UNC80: variants seen among roughly 807,000 people sequenced by gnomAD.
UNC80 encodes the protein unc-80 subunit of NALCN channel complex, also known as protein unc-80 homolog.
A neutral mutation model predicts 384.6 loss-of-function variants in UNC80; 164 were observed. That is an observed-to-expected ratio of 0.43 (90% CI 0.38 to 0.49). The LOEUF (loss-of-function observed/expected upper bound fraction) is 0.49. UNC80 is among the 20% of genes least tolerant of loss of function. The pLI, the probability that UNC80 is intolerant of heterozygous loss-of-function variation, is 0.00. For synonymous variants in UNC80, 1,486 were observed against 1,527.8 expected (o/e 0.97, Z 0.64); for missense variants, 3,330 against 4,143.0 (o/e 0.80, Z 5.39).
chr2:209,941,482 T>C lies in UNC80; in HGVS notation c.6908T>C (p.Met2303Thr). ...LSGYQWILPTMLQVYSDYESN... is the reference protein window; with the variant it reads ...LSGYQWILPTTLQVYSDYESN... ...GGCTACCAGTGGATTCTCCCCACCA[T>C]GCTGCAGGTGCCCAGAACCTCCTCT... Residue 2303 changes from methionine (M) to threonine (T), a missense_variant, in exon 44 of 65, where the codon ATG becomes ACG. Around this residue, in one of 8 missense-constraint regions of UNC80, gnomAD observed 1,049 missense variants for 1,488.6 expected, o/e 0.70. Transcript: ENST00000673920. 6.5e-7 allele frequency: 1 copy of C among 1,531,356 alleles called. No homozygotes were observed. The highest frequency in any genetic ancestry group is 8.8e-7 in the Non-Finnish European group (1 of 1,130,748). The allele number at this position is 1,531,356 out of a possible 1,614,324, so 94.9% of individuals were successfully genotyped here.
In UNC80 at chr2:209,820,590, G is replaced by A. The variant is rs957320713; in HGVS notation, c.2242G>A (p.Gly748Arg). 1.9e-6 allele frequency: 3 copies of A among 1,551,430 alleles called. No homozygotes were observed. Among genetic ancestry groups the A allele is most frequent in the Non-Finnish European group, 2.6e-6 (3 of 1,146,892 alleles). The change falls in exon 13 of 65, where the codon GGA (glycine) becomes AGA (arginine). Residue 748 changes from glycine (G) to arginine (R), a missense_variant. Coordinates refer to ENST00000673920, the MANE Select transcript of UNC80 (RefSeq NM_001371986.1). ...TGGTGGAGGAGAAGAAGGAGGAGGT[G>A]GAGATGGAGGAGGTGGAGGAGGTGA... is the stretch of plus-strand genomic sequence containing the variant. The part of the protein sequence containing the change: ...GDGGGEEGGG[G>R]DGGGGGGDGG...
intron 9 of UNC80, 139 bp from the exon 10 acceptor site, chr2:209,816,770 G>C: frequency 1.4e-6 from 1 of 720,260 alleles, no homozygotes; most frequent in Non-Finnish European, 2.3e-6. Context: ...ATTTTTATTG[G>C]ATGATATTCA....
At position 209,839,459 on chromosome 2, in the gene UNC80, A is replaced by G; in HGVS notation, c.3250+29A>G. The G allele has an allele frequency of 6.5e-7, 1 of 1,550,222 alleles. No individual in the cohort carries two copies. Among genetic ancestry groups the G allele is most frequent in the Non-Finnish European group, 8.7e-7 (1 of 1,145,634 alleles). On this transcript the variant is annotated intron_variant, in intron 19 of 64. Transcript: ENST00000673920. This position sits in a 1 kb window ranked among gnomAD's most constrained non-coding sequence, Gnocchi z 4.1. ...AAAGTATGTCTGTATTTGTTTATGG[A>G]TTATCTTATTACCAACCATGTCCTC... is the stretch of plus-strand genomic sequence containing the variant.
chr2:209,865,799 T>C (rs1447066382), intron 22 of UNC80, among the ~76,000 whole-genome samples: 2 of 152,226 alleles, frequency 1.3e-5, no homozygotes, highest in African/African-American at 4.8e-5. Context: ...ATTTCAGAAG[T>C]GTCTTTAGTG....
chr2:209,810,192 G>C lies in UNC80; in HGVS notation c.939-3388G>C, dbSNP rs564586458. ...CCCAGGCAATTTAACAATGTCTCAA[G>C]AGGGACTGTAAGTAATGGTTGTCAC... On this transcript the variant is annotated intron_variant, in intron 7 of 64. Coordinates refer to ENST00000673920, the MANE Select transcript of UNC80 (RefSeq NM_001371986.1). Among the ~76,000 whole-genome samples the C allele has an allele frequency of 1.4e-4, 22 of 152,236 alleles. 2 individuals carry two copies. In the South Asian group the frequency reaches 4.2e-3, roughly 29 times the overall value.
At position 209,923,819 on chromosome 2, in the gene UNC80, GTC is replaced by G. The variant is rs755730975; in HGVS notation, c.5662+1440_5662+1441del. Among the ~76,000 whole-genome samples, 35 of 151,710 alleles carry G rather than the reference GTC, an allele frequency of 2.3e-4. 2 individuals are homozygous for G. Among genetic ancestry groups the G allele is most frequent in the Admixed American group, 1.2e-3 (18 of 15,212 alleles). ...ATTTGTGTCCTTGAAACTAAATTAC[GTC>G]TCTTAAACATAACAGTTGATTCATA... On this transcript the variant is annotated intron_variant, in intron 35 of 64. Transcript: ENST00000673920.
intron 7 of UNC80, among the ~76,000 whole-genome samples, chr2:209,811,549 T>C (rs2079351674): frequency 6.6e-6 from 1 of 152,168 alleles, no homozygotes. Context: ...TTATGATAGA[T>C]TAAAAGTTGT....
At position 209,967,541 on chromosome 2, in the gene UNC80, C is replaced by T; in HGVS notation, c.7910C>T (p.Thr2637Ile). The T allele has an allele frequency of 3.2e-6, 5 of 1,551,636 alleles. No individual in the cohort carries two copies. The highest frequency in any genetic ancestry group is 4.4e-6 in the Non-Finnish European group (5 of 1,146,972). Residue 2637 changes from threonine to isoleucine, a missense_variant, in exon 52 of 65, where the codon ACT (threonine) becomes ATT (isoleucine). Physicochemically the swap from Thr to Ile is moderately conservative, Grantham distance 89 (BLOSUM62 -1). Coordinates refer to ENST00000673920, the MANE Select transcript of UNC80 (RefSeq NM_001371986.1). ...RRYIMEMLPITDWTAEAVRPA... is the reference protein window; with the variant it reads ...RRYIMEMLPIIDWTAEAVRPA... ...TACATCATGGAGATGCTACCCATTA[C>T]TGACTGGACAGCTGAGGCAGTGAGG...
chr2:209,878,213 C>A, intron 24 of UNC80, 124 bp downstream of exon 24: 1 of 1,030,108 alleles, frequency 9.7e-7, no homozygotes, highest in Non-Finnish European at 1.3e-6. Flanking sequence ...ACTGCTCCTT[C>A]TCCCCTTTTC....
At chr2:209,784,520 C>T (rs2077317862) in intron 4 of UNC80, among the ~76,000 whole-genome samples, 1 of 152,158 alleles carries the variant, frequency 6.6e-6, no homozygotes, top group Non-Finnish European at 1.5e-5. Context: ...ACACACTAGG[C>T]ACACTTAGGG....
intron 63 of UNC80, 149 bp downstream of exon 63, chr2:209,993,575 G>C: frequency 1.6e-6 from 1 of 633,804 alleles, no homozygotes; most frequent in Non-Finnish European, 2.6e-6. Flanking sequence ...GAAAACTGTA[G>C]TGTCTTTTTT....
At chr2:209,799,738 A>G (rs900673628) in intron 7 of UNC80, among the ~76,000 whole-genome samples, 6 of 152,212 alleles carry the variant, frequency 3.9e-5, no homozygotes, top group Non-Finnish European at 5.9e-5. Context: ...ATTTTGAGAT[A>G]TGTTCCATCA....
intron 7 of UNC80, among the ~76,000 whole-genome samples, chr2:209,798,769 C>T (rs905373519): frequency 6.6e-6 from 1 of 150,988 alleles, no homozygotes; most frequent in Non-Finnish European, 1.5e-5. Context: ...GCTCCACCTC[C>T]CAGGTTCACG....
At chr2:209,982,083 A>T in intron 59 of UNC80, 96 bp from the exon 60 acceptor site, 1 of 1,294,430 alleles carries the variant, frequency 7.7e-7, no homozygotes, top group Non-Finnish European at 1.1e-6. Flanking sequence ...CCTAAGTTGT[A>T]CACAAGCCAA....
chr2:209,937,475 A>G, intron 41 of UNC80, 54 bp from the exon 42 acceptor site: 1 of 1,328,094 alleles, frequency 7.5e-7, no homozygotes, highest in Non-Finnish European at 1.1e-6. Context: ...GAAATGAGAA[A>G]AGATGTTTAA....
chr2:209,887,631 C>G (rs768125840), intron 25 of UNC80, among the ~76,000 whole-genome samples: 1 of 152,192 alleles, frequency 6.6e-6, no homozygotes. Flanking sequence ...CTCCTACTCT[C>G]AGTCTTAAAA....
intron 48 of UNC80, among the ~76,000 whole-genome samples, chr2:209,956,582 AT>A (rs200094063): frequency 6.6e-6 from 1 of 151,426 alleles, no homozygotes; most frequent in Non-Finnish European, 1.5e-5. Flanking sequence ...AAATTTTTTA[AT>A]TTTTTTTAAA....
At position 209,937,699 on chromosome 2, in the gene UNC80, T is replaced by C. The variant is rs540588043; in HGVS notation, c.6465+69T>C. On this transcript the variant is annotated intron_variant, in intron 42 of 64. Coordinates refer to ENST00000673920, the MANE Select transcript of UNC80 (RefSeq NM_001371986.1). ...TTGGAGTAGATATCTGTTCATACTTTGCCAACTTTGAGATTTTATGATTCC... is the reference window on the plus strand; with the variant it reads ...TTGGAGTAGATATCTGTTCATACTTCGCCAACTTTGAGATTTTATGATTCC... The C allele has an allele frequency of 4.6e-5, 57 of 1,239,130 alleles. No homozygotes were observed. In the Middle Eastern group the frequency reaches 1.3e-3, roughly 28 times the overall value. The allele number at this position is 1,239,130 out of a possible 1,614,324, so 76.8% of individuals were successfully genotyped here.
At position 209,976,814 on chromosome 2, in the gene UNC80, T is replaced by C. The variant is rs2093026164; in HGVS notation, c.8773-99T>C. The C allele has an allele frequency of 1.5e-6, 2 of 1,314,970 alleles. No homozygotes were observed. The highest frequency in any genetic ancestry group is 5.1e-5 in the East Asian group (2 of 39,186). 81.5% of individuals were successfully genotyped at this position (1,314,970 alleles called of 1,614,324 possible). On this transcript the variant is annotated intron_variant, in intron 57 of 64. Coordinates refer to ENST00000673920, the MANE Select transcript of UNC80 (RefSeq NM_001371986.1). This position sits in a 1 kb window ranked among gnomAD's most constrained non-coding sequence, Gnocchi z 4.3. ...GCCGTTCTAGGAACATCACATGCAT[T>C]ACCTTATTTATTCCTCACAACAATG...
Sources: allele counts gnomAD v4.1 joint callset (sites outside exome capture counted in the v4.1 genomes callset), GRCh38; gene constraint gnomAD v4.1.1; regional missense constraint gnomAD v4.1.1; non-coding constraint Gnocchi (gnomAD v3.1); transcripts MANE v1.5; gene names NCBI Gene and HGNC (gene_info 2026-07-23, HGNC 2026-07-21).